The following ITIH2 variants were observed in gnomAD, a reference collection of about 807,000 sequenced individuals.
The protein encoded by ITIH2 is inter-alpha-trypsin inhibitor heavy chain 2, also known as inter-alpha-trypsin inhibitor heavy chain H2.
ITIH2 carries 103 observed loss-of-function variants against 104.4 expected under a neutral mutation model. That is an observed-to-expected ratio of 0.99 (90% CI 0.84 to 1.16). The LOEUF (loss-of-function observed/expected upper bound fraction) is 1.16. Ranked by LOEUF, ITIH2 falls within the 50% of genes most tolerant of loss-of-function variation. ITIH2 has a pLI of 0.00. For missense variants in ITIH2, 1,108 were observed against 1,162.4 expected (o/e 0.95, Z 0.68); for synonymous variants, 436 against 435.4 (o/e 1.00, Z -0.02).
intron 5 of ITIH2, among the ~76,000 whole-genome samples, chr10:7,717,240 C>T (rs1445674294): frequency 6.6e-6 from 1 of 152,224 alleles, no homozygotes; most frequent in Non-Finnish European, 1.5e-5. Flanking sequence ...GCATGAACCA[C>T]CACACCCAGC....
rs12258745 is a variant in ITIH2, at chr10:7,708,867, T to C, written c.193-155T>C. On this transcript the variant is annotated intron_variant, in intron 3 of 20. Coordinates refer to ENST00000358415, the MANE Select transcript of ITIH2 (RefSeq NM_002216.3). ...GGTTCCAAGAAGTTAGGAGAATGCT[T>C]AACCATACATGAATTCTGTCCTTAC... is the stretch of plus-strand genomic sequence containing the variant. Among the ~76,000 whole-genome samples, 1,442 of 152,252 alleles carry C rather than the reference T, an allele frequency of 9.5e-3. 19 individuals are homozygous for C. Among genetic ancestry groups the C allele is most frequent in the African/African-American group, 0.033 (1,354 of 41,554 alleles).
At chr10:7,737,112 C>A (rs951014410) in intron 15 of ITIH2, among the ~76,000 whole-genome samples, 5 of 151,688 alleles carry the variant, frequency 3.3e-5, no homozygotes, top group Non-Finnish European at 7.4e-5. Flanking sequence ...TGTTTTGCTT[C>A]CTGGAGGACT....
chr10:7,721,593 G>GT, intron 7 of ITIH2, 56 bp from the exon 8 acceptor site: 1 of 1,558,556 alleles, frequency 6.4e-7, no homozygotes, highest in Non-Finnish European at 8.7e-7. Context: ...AAGGGGCAGC[G>GT]CCAAGCACTG....
rs7072478 is a variant in ITIH2 at position 7,717,632 on chromosome 10, C to A, written c.474C>A (p.Ser158Arg). Residue 158 changes from serine to arginine, a missense_variant, in exon 6 of 21, where the codon AGC becomes AGA. Transcript: ENST00000358415. ...KGKTAGLVRS[S>R]ALDMENFRTE... The stretch of plus-strand genomic sequence containing the variant: ...TGGGGGCTTTCACCTTTAGGAGCAG[C>A]GCTCTTGATATGGAAAACTTCAGAA... The A allele has an allele frequency of 4.3e-6, 7 of 1,612,800 alleles. No individual in the cohort carries two copies. In the East Asian group the frequency reaches 1.6e-4, roughly 36 times the overall value.
At chr10:7,732,187 C>A (rs1421288672) in intron 13 of ITIH2, 151 bp from the exon 14 acceptor site, 2 of 995,140 alleles carry the variant, frequency 2.0e-6, no homozygotes, top group East Asian at 2.5e-5. Context: ...CAAGCCCAAT[C>A]CCAAGCACAG....
At chr10:7,707,285 A>G in intron 3 of ITIH2, 52 bp downstream of exon 3, 1 of 1,355,934 alleles carries the variant, frequency 7.4e-7, no homozygotes, top group Non-Finnish European at 1.1e-6. Flanking sequence ...GTTAATAATT[A>G]CCAGGAAATC....
chr10:7,721,777 G>A lies in ITIH2; in HGVS notation c.867G>A (p.Glu289=), dbSNP rs369395579. The A allele has an allele frequency of 3.7e-6, 6 of 1,613,816 alleles. No individual in the cohort carries two copies. The highest frequency in any genetic ancestry group is 1.7e-5 in the Admixed American group (1 of 59,992). ...VKREEKAGEL[E]VFNGYFVHFF... ...GAGAAGAGAAGGCTGGTGAACTGGA[G>A]GTGAGTGCACACCGGCTCTGGTTCT... The change falls in exon 8 of 21, where the codon GAG becomes GAA. Residue 289 remains glutamate, a splice_region_variant and synonymous_variant. Coordinates refer to ENST00000358415, the MANE Select transcript of ITIH2 (RefSeq NM_002216.3).
intron 3 of ITIH2, among the ~76,000 whole-genome samples, chr10:7,708,515 A>G (rs949048415): frequency 6.6e-6 from 1 of 152,176 alleles, no homozygotes. Flanking sequence ...TGAAATTGTA[A>G]TAGAGGAGAT....
intron 16 of ITIH2, among the ~76,000 whole-genome samples, chr10:7,739,983 C>T (rs1196032013): frequency 6.6e-6 from 1 of 152,066 alleles, no homozygotes; most frequent in African/African-American, 2.4e-5. Context: ...GTCAGGAGTT[C>T]GAATCCAGCC....
At chr10:7,741,340 G>A (rs1343304353) in intron 16 of ITIH2, among the ~76,000 whole-genome samples, 1 of 151,860 alleles carries the variant, frequency 6.6e-6, no homozygotes, top group Non-Finnish European at 1.5e-5. Flanking sequence ...CACCACACCC[G>A]GCTAATTTTT....
chr10:7,743,995 CA>C, intron 17 of ITIH2, 86 bp from the exon 18 acceptor site: 1 of 924,854 alleles, frequency 1.1e-6, no homozygotes, highest in Non-Finnish European at 1.6e-6. Context: ...CCAATATTGC[CA>C]AGTTTTTATA....
At chr10:7,724,099 G>GATTGCGTACATC (rs1834930880) in intron 9 of ITIH2, among the ~76,000 whole-genome samples, 2 of 152,094 alleles carry the variant, frequency 1.3e-5, no homozygotes, top group African/African-American at 4.8e-5. Flanking sequence ...GGCTTACTTA[G>GATTGCGTACATC]TGATAAGTGA....
intron 7 of ITIH2, among the ~76,000 whole-genome samples, chr10:7,721,400 C>G (rs1441443348): frequency 6.6e-6 from 1 of 152,194 alleles, no homozygotes; most frequent in East Asian, 1.9e-4. Flanking sequence ...AGCCCTTCTA[C>G]AGGGGATGAA....
In ITIH2 at chr10:7,729,948, T is replaced by C; in HGVS notation, c.1280-4T>C. 6.3e-7 allele frequency: 1 copy of C among 1,587,258 alleles called. No homozygotes were observed. Among genetic ancestry groups the C allele is most frequent in the Non-Finnish European group, 8.6e-7 (1 of 1,168,480 alleles). On this transcript the variant is annotated splice_region_variant and splice_polypyrimidine_tract_variant and intron_variant, in intron 11 of 20. Transcript: ENST00000358415. ...CCTTTCCTTTCGGACATCACCAACTTTAGGCGAACTAAAACTGTCAAAAAT... is the reference window on the plus strand; with the variant it reads ...CCTTTCCTTTCGGACATCACCAACTCTAGGCGAACTAAAACTGTCAAAAAT...
chr10:7,731,245 C>T lies in ITIH2; in HGVS notation c.1462-566C>T, dbSNP rs73623122. On this transcript the variant is annotated intron_variant, in intron 12 of 20. Transcript: ENST00000358415. ...TGCTGACTTTTATCATAAGTTTGTC[C>T]AAGAGTTTTTCACGCTGACCGTAAC... 9.5e-4 allele frequency among the ~76,000 whole-genome samples: 144 copies of T among 152,142 alleles called. 1 individual carries two copies. The highest frequency in any genetic ancestry group is 3.4e-3 in the African/African-American group (143 of 41,530).
chr10:7,716,629 G>A (rs530403827), intron 5 of ITIH2, among the ~76,000 whole-genome samples: 9 of 151,550 alleles, frequency 5.9e-5, no homozygotes, highest in South Asian at 4.2e-4. Context: ...CCAGCTACTC[G>A]GGATGCTGAG....
intron 16 of ITIH2, among the ~76,000 whole-genome samples, chr10:7,739,121 T>C (rs1835100532): frequency 6.6e-6 from 1 of 152,282 alleles, no homozygotes; most frequent in South Asian, 2.1e-4. Context: ...GTCAATTTCT[T>C]TGCCTTTCCA....
chr10:7,717,984 G>C (rs1010324439), intron 6 of ITIH2, among the ~76,000 whole-genome samples, 196 bp downstream of exon 6: 1 of 152,134 alleles, frequency 6.6e-6, no homozygotes, highest in Non-Finnish European at 1.5e-5. Context: ...CTCCTTAGCA[G>C]CCGTATTATG....
chr10:7,748,789 G>A (rs1333872858), intron 20 of ITIH2, among the ~76,000 whole-genome samples: 2 of 151,188 alleles, frequency 1.3e-5, no homozygotes, highest in South Asian at 2.1e-4. Flanking sequence ...CAAGTGGTCC[G>A]CCCACCTCAG....
Sources: gnomAD v4.1 joint callset for allele counts (sites outside exome capture counted in the v4.1 genomes callset) on GRCh38, gnomAD v4.1.1 for gene constraint, MANE v1.5 for transcripts, NCBI Gene and HGNC (gene_info 2026-07-23, HGNC 2026-07-21) for gene names.